UMODL1: variants seen among roughly 807,000 people sequenced by gnomAD.
UMODL1 encodes uromodulin like 1.
UMODL1 carries 128 observed loss-of-function variants against 136.3 expected under a neutral mutation model. That is an observed-to-expected ratio of 0.94 (90% CI 0.81 to 1.09). The LOEUF (loss-of-function observed/expected upper bound fraction) is 1.09. Among genes scored for constraint, UMODL1 ranks in the 50% least tolerant of loss-of-function variants. The pLI is 0.00. For synonymous variants in UMODL1, 721 were observed against 720.0 expected (o/e 1.00, Z -0.02); for missense variants, 1,766 against 1,725.6 (o/e 1.02, Z -0.41).
Position 42,137,524 on chromosome 21 carries a change from AG to A in UMODL1, c.3862del (p.Ala1288ProfsTer4). On this transcript the variant is annotated frameshift_variant, in exon 22 of 23. Transcript: ENST00000408910. LOFTEE classifies it high-confidence loss of function. ...CCATCTTCGTGCTGGTGGCGGGAAC[AG>A]CCACCCTTCTGATCGTGCGCTACCA... Reference protein sequence around the residue: ...VAIFVLVAGTATLLIVRYQRM... With the variant: ...VAIFVLVAGTXTLLIVRYQRM... 6.2e-7 allele frequency: 1 copy of A among 1,614,244 alleles called. No homozygotes were observed. Among genetic ancestry groups the A allele is most frequent in the Middle Eastern group, 1.6e-4 (1 of 6,062 alleles).
intron 15 of UMODL1, among the ~76,000 whole-genome samples, chr21:42,119,972 G>A (rs560101326): frequency 6.6e-6 from 1 of 152,222 alleles, no homozygotes; most frequent in Non-Finnish European, 1.5e-5. Flanking sequence ...ATAATTTGGT[G>A]AAGTGTTAGT....
Position 42,099,081 on chromosome 21 carries a change from C to T in UMODL1, c.1087C>T (p.Leu363=), listed in dbSNP as rs1323516870. Residue 363 remains leucine, a synonymous_variant, in exon 7 of 23, where the codon CTG becomes TTG. Transcript: ENST00000408910. The surrounding 1 kb of genome is among the most constrained non-coding windows in gnomAD (Gnocchi z 4.1). ...GAGCGCCAGGACACAGAGCCAGGCA[C>T]TGGCAGTGGCTGGGCTGGAGGCTGG... ...LRSARTQSQA[L]AVAGLEAGVL... is the part of the protein sequence containing the mutation. The T allele has an allele frequency of 6.2e-7, 1 of 1,614,096 alleles. No homozygotes were observed. Among genetic ancestry groups the T allele is most frequent in the African/African-American group, 1.3e-5 (1 of 74,928 alleles).
At chr21:42,106,159 C>T (rs2066713994) in intron 9 of UMODL1, among the ~76,000 whole-genome samples, 1 of 152,218 alleles carries the variant, frequency 6.6e-6, no homozygotes, top group African/African-American at 2.4e-5. Flanking sequence ...GACTCCATGA[C>T]TACTGGTGTC....
chr21:42,122,793 A>T lies in UMODL1; in HGVS notation c.2828-38A>T. The stretch of plus-strand genomic sequence containing the variant: ...GCCCCTCCATGCCAACCCCAAACAC[A>T]GAGCCACTCTTTGCCTTTTCCTCCT... On this transcript the variant is annotated intron_variant, in intron 16 of 22. Coordinates refer to ENST00000408910, the MANE Select transcript of UMODL1 (RefSeq NM_001004416.3). This position sits in a 1 kb window ranked among gnomAD's most constrained non-coding sequence, Gnocchi z 4.3. 1 of 1,545,774 alleles carries T rather than the reference A, an allele frequency of 6.5e-7. No individual in the cohort carries two copies. The highest frequency in any genetic ancestry group is 8.7e-7 in the Non-Finnish European group (1 of 1,144,566).
At chr21:42,096,510 C>A (rs1019087758) in intron 6 of UMODL1, among the ~76,000 whole-genome samples, 2 of 152,226 alleles carry the variant, frequency 1.3e-5, no homozygotes, top group Non-Finnish European at 1.5e-5. Context: ...CATTCCTCTG[C>A]GTTCTTTTCA....
chr21:42,074,250 C>T (rs2066262828), intron 1 of UMODL1, among the ~76,000 whole-genome samples: 2 of 152,150 alleles, frequency 1.3e-5, no homozygotes, highest in Non-Finnish European at 2.9e-5. Flanking sequence ...GAAGCATCAC[C>T]CTGGTCTCTA....
At chr21:42,108,966 G>GGAAGTT (rs2066771136) in intron 9 of UMODL1, among the ~76,000 whole-genome samples, 2 of 81,768 alleles carry the variant, frequency 2.4e-5, no homozygotes, top group East Asian at 3.7e-4. Context: ...CCCACTCCTG[G>GGAAGTT]CATGTAAAGC....
At chr21:42,074,673 C>A (rs184355455) in intron 1 of UMODL1, among the ~76,000 whole-genome samples, 20 of 152,254 alleles carry the variant, frequency 1.3e-4, no homozygotes, top group Admixed American at 1.0e-3. Context: ...GCTTGTCCTG[C>A]AGCGGGGGTG....
chr21:42,130,181 T>G (rs184083553), intron 21 of UMODL1, among the ~76,000 whole-genome samples: 5 of 152,070 alleles, frequency 3.3e-5, no homozygotes, highest in Admixed American at 3.3e-4. Context: ...CAGTGGGCTG[T>G]TAAGAGATAA....
chr21:42,131,453 A>G (rs1153359), intron 21 of UMODL1, among the ~76,000 whole-genome samples: 5,782 of 10,286 alleles, frequency 0.56, 1,891 homozygotes, highest in Middle Eastern at 0.82. Flanking sequence ...GGGAGGTCTC[A>G]GCCATGAAGC....
chr21:42,132,596 C>T (rs536488490), intron 21 of UMODL1, among the ~76,000 whole-genome samples: 8 of 151,562 alleles, frequency 5.3e-5, no homozygotes, highest in African/African-American at 1.7e-4. Context: ...ATCCATCCAC[C>T]CACCCATCCA....
chr21:42,133,888 T>TTTTTG (rs375720686), intron 21 of UMODL1, among the ~76,000 whole-genome samples: 3,584 of 150,724 alleles, frequency 0.024, 55 homozygotes, highest in South Asian at 0.025. Flanking sequence ...ATATATCTGT[T>TTTTTG]TTTTGTTTTG....
At chr21:42,079,373 C>G (rs2066333906) in intron 2 of UMODL1, among the ~76,000 whole-genome samples, 1 of 152,252 alleles carries the variant, frequency 6.6e-6, no homozygotes, top group South Asian at 2.1e-4. Flanking sequence ...AGTGTTAACA[C>G]CTTTAATTAG....
chr21:42,138,550 A>G (rs1364137058), intron 22 of UMODL1, among the ~76,000 whole-genome samples: 1 of 151,684 alleles, frequency 6.6e-6, no homozygotes, highest in Non-Finnish European at 1.5e-5. Context: ...GGAAACACCA[A>G]GACTGGGACT....
chr21:42,129,684 C>G, intron 20 of UMODL1, 29 bp from the exon 21 acceptor site: 2 of 1,542,402 alleles, frequency 1.3e-6, no homozygotes. Context: ...ATTAATTTGA[C>G]GTTTCTCTTC....
At chr21:42,106,345 GA>G (rs1442658110) in intron 9 of UMODL1, among the ~76,000 whole-genome samples, 1 of 152,290 alleles carries the variant, frequency 6.6e-6, no homozygotes, top group East Asian at 1.9e-4. Context: ...AACAAGAAAC[GA>G]AAACACAAAA....
chr21:42,133,895 TTTG>T (rs2067166770), intron 21 of UMODL1, among the ~76,000 whole-genome samples: 1 of 148,868 alleles, frequency 6.7e-6, no homozygotes, highest in African/African-American at 2.5e-5. Context: ...TGTTTTTTGT[TTTG>T]TTTTGTTTTG....
chr21:42,119,134 C>T lies in UMODL1; in HGVS notation c.2499C>T (p.Thr833=), dbSNP rs765299879. Residue 833 remains threonine (T), a synonymous_variant, in exon 15 of 23, where the codon ACC becomes ACT. Coordinates refer to ENST00000408910, the MANE Select transcript of UMODL1 (RefSeq NM_001004416.3). ...AGGTGCGGGGCTCCCTGCCAGCCAC[C>T]ATGTGTCAGCACATGGACGCTGGTG... is the stretch of plus-strand genomic sequence containing the variant. ...FRMVRGSLPA[T]MCQHMDAGGV... 3 of 1,613,298 alleles carry T rather than the reference C, an allele frequency of 1.9e-6. No homozygotes were observed. The highest frequency in any genetic ancestry group is 2.7e-5 in the African/African-American group (2 of 74,932).
chr21:42,087,149 G>C (rs2066435535), intron 4 of UMODL1, among the ~76,000 whole-genome samples: 1 of 152,166 alleles, frequency 6.6e-6, no homozygotes, highest in Non-Finnish European at 1.5e-5. Context: ...GTCTCCTCGT[G>C]CATGTAGGTT....
Sources: gnomAD v4.1 joint callset for allele counts (sites outside exome capture counted in the v4.1 genomes callset) on GRCh38, gnomAD v4.1.1 for gene constraint, Gnocchi (gnomAD v3.1) non-coding constraint, MANE v1.5 for transcripts, NCBI Gene and HGNC (gene_info 2026-07-23, HGNC 2026-07-21) for gene names.